Variants in ARHGAP27 observed in about 807,000 individuals in gnomAD.
ARHGAP27 encodes the protein Rho GTPase activating protein 27, also known as rho GTPase-activating protein 27.
ARHGAP27 carries 53 observed loss-of-function variants against 102.0 expected under a neutral mutation model. The ratio of observed to expected loss-of-function variants is 0.52; its 90% confidence interval spans 0.42 to 0.65. ARHGAP27 has a LOEUF of 0.65. ARHGAP27 is among the 30% of genes least tolerant of loss of function. ARHGAP27 has a pLI of 0.00. For synonymous variants in ARHGAP27, 525 were observed against 542.8 expected, an observed-to-expected ratio of 0.97 and a Z score of 0.46; for missense variants, 1,117 against 1,256.2, an observed-to-expected ratio of 0.89 and a Z score of 1.68.
chr17:45,395,378 G>C lies in ARHGAP27; in HGVS notation c.*78C>G. On this transcript the variant is annotated 3_prime_UTR_variant, in exon 20 of 20. Coordinates refer to ENST00000685559, the MANE Select transcript of ARHGAP27 (RefSeq NM_001282290.2). ...CGCTGGCGGAGGGTCCCAGAGAGAA[G>C]AAGGCCCGGCTGCGTGGCCTCCGCC... 8.1e-6 allele frequency: 12 copies of C among 1,474,006 alleles called. No individual in the cohort carries two copies. The highest frequency in any genetic ancestry group is 1.1e-5 in the Non-Finnish European group (12 of 1,101,030). The allele number at this position is 1,474,006 out of a possible 1,614,324, so 91.3% of individuals were successfully genotyped here. A position where few individuals can be genotyped will look rare whatever the true frequency, so the allele number is the denominator to read the frequency against.
At chr17:45,406,172 GTTTA>G (rs1338796295) in intron 4 of ARHGAP27, 89 bp from the exon 5 acceptor site, 46 of 1,347,978 alleles carry the variant, frequency 3.4e-5, no homozygotes, top group Middle Eastern at 1.9e-4. Context: ...GATTATAGGG[GTTTA>G]TTTGTTTTCG....
In ARHGAP27 at chr17:45,430,001, G is replaced by C; in HGVS notation, c.279C>G (p.Tyr93Ter). The C allele has an allele frequency of 1.7e-6, 2 of 1,186,540 alleles. No individual in the cohort carries two copies. Among genetic ancestry groups the C allele is most frequent in the Non-Finnish European group, 2.1e-6 (2 of 960,538 alleles). 73.5% of individuals were successfully genotyped at this position (1,186,540 alleles called of 1,614,324 possible). Residue 93 changes from tyrosine (Y) to a stop codon, truncating the protein, a stop_gained, in exon 4 of 20, where the codon TAC becomes TAG. Coordinates refer to ENST00000685559, the MANE Select transcript of ARHGAP27 (RefSeq NM_001282290.2). LOFTEE classifies it high-confidence loss of function. The surrounding 1 kb of genome is among the most constrained non-coding windows in gnomAD (Gnocchi z 4.4). Reference sequence around the variant, plus strand: ...CCGCCGCGCTCACAAACCGGTAGTCGTAGGCGAGCGGCTCAGGGGCCGCGG... The same window carrying C: ...CCGCCGCGCTCACAAACCGGTAGTCCTAGGCGAGCGGCTCAGGGGCCGCGG... ...PSPAAPEPLA[Y>*]DYRFVSAAAT...
rs2047099534 is a variant in ARHGAP27 at position 45,405,868 on chromosome 17, G to A, written c.873C>T (p.Ser291=). 6.5e-7 allele frequency: 1 copy of A among 1,536,176 alleles called. No individual in the cohort carries two copies. The highest frequency in any genetic ancestry group is 2.4e-5 in the East Asian group (1 of 40,912). ...TCACGTGGCTGTCCACCGAGGCAGG[G>A]GAGGTGGCTGGGCTGGCGGCACCCT... ...AAEGAASPAT[S]PASVDSHVSL... Residue 291 remains serine (S), a synonymous_variant, in exon 5 of 20, where the codon TCC becomes TCT. Coordinates refer to ENST00000685559, the MANE Select transcript of ARHGAP27 (RefSeq NM_001282290.2).
In ARHGAP27 at chr17:45,403,771, C is replaced by T; in HGVS notation, c.1548-62G>A. On this transcript the variant is annotated intron_variant, in intron 10 of 19. Coordinates refer to ENST00000685559, the MANE Select transcript of ARHGAP27 (RefSeq NM_001282290.2). ...AGATTTGGTCCTGGGCTGAGGGCCCCTCCTACCCCAGGAACAAGTCAGAGC... is the reference window on the plus strand; with the variant it reads ...AGATTTGGTCCTGGGCTGAGGGCCCTTCCTACCCCAGGAACAAGTCAGAGC... 5.0e-6 allele frequency: 7 copies of T among 1,405,432 alleles called. No individual in the cohort carries two copies. In the South Asian group the frequency reaches 7.3e-5, roughly 15 times the overall value. The allele number at this position is 1,405,432 out of a possible 1,614,324, so 87.1% of individuals were successfully genotyped here.
chr17:45,425,826 C>A (rs2049542314), intron 4 of ARHGAP27, among the ~76,000 whole-genome samples: 1 of 152,174 alleles, frequency 6.6e-6, no homozygotes, highest in African/African-American at 2.4e-5. Context: ...TCTCAGAGGC[C>A]CCTTTATTGC....
Position 45,404,912 on chromosome 17 carries a change from C to G in ARHGAP27, c.1248+12G>C, listed in dbSNP as rs1052826155. On this transcript the variant is annotated intron_variant, in intron 6 of 19. Transcript: ENST00000685559. ...CTGAGGCTGTCCGGGTCCATCTGCC[C>G]CCTGCCCCTACCTGCTCCTGAGTGA... is the stretch of plus-strand genomic sequence containing the variant. 1.2e-6 allele frequency: 2 copies of G among 1,614,106 alleles called. No homozygotes were observed. The highest frequency in any genetic ancestry group is 1.7e-6 in the Non-Finnish European group (2 of 1,180,000).
At chr17:45,413,833 C>T (rs572656172) in intron 4 of ARHGAP27, among the ~76,000 whole-genome samples, 43 of 151,904 alleles carry the variant, frequency 2.8e-4, no homozygotes, top group African/African-American at 8.9e-4. Flanking sequence ...GGGCTGGGTG[C>T]GGTGGCTCAG....
chr17:45,396,337 G>C (rs1295673397), intron 16 of ARHGAP27, 53 bp from the exon 17 acceptor site: 9 of 1,543,490 alleles, frequency 5.8e-6, no homozygotes, highest in Non-Finnish European at 7.9e-6. Flanking sequence ...ATAGGGTGGG[G>C]CTACGGGTCC....
intron 4 of ARHGAP27, among the ~76,000 whole-genome samples, chr17:45,426,238 C>T (rs2049583978): frequency 6.6e-6 from 1 of 152,132 alleles, no homozygotes; most frequent in East Asian, 1.9e-4. Context: ...CTCTCTGAAC[C>T]TCTGTTTGTA....
At chr17:45,428,984 G>T (rs902758863) in intron 4 of ARHGAP27, among the ~76,000 whole-genome samples, 3 of 152,186 alleles carry the variant, frequency 2.0e-5, no homozygotes, top group African/African-American at 4.8e-5. Flanking sequence ...TTAACCGGAC[G>T]TCTTTCTGAA....
chr17:45,426,286 G>T (rs1391022946), intron 4 of ARHGAP27, among the ~76,000 whole-genome samples: 5 of 152,084 alleles, frequency 3.3e-5, no homozygotes, highest in Non-Finnish European at 5.9e-5. Context: ...TGCCTTCCAA[G>T]CTGCTGGGAG....
Position 45,396,699 on chromosome 17 carries a change from C to T in ARHGAP27, c.2043G>A (p.Leu681=). The change falls in exon 15 of 20, where the codon CTG becomes CTA. Residue 681 remains leucine (L), a synonymous_variant. Coordinates refer to ENST00000685559, the MANE Select transcript of ARHGAP27 (RefSeq NM_001282290.2). ...TGTAGCCCTTCTCCCGCAGCGACTG[C>T]AGTGTGGGCCGCCTCTGGAGGAACT... is the stretch of plus-strand genomic sequence containing the variant. ...LRKFLQRRPT[L]QSLREKGYIK... is the part of the protein sequence containing the mutation. 2 of 1,613,870 alleles carry T rather than the reference C, an allele frequency of 1.2e-6. No homozygotes were observed. Among genetic ancestry groups the T allele is most frequent in the South Asian group, 2.2e-5 (2 of 91,084 alleles).
At chr17:45,429,195 C>T (rs757632115) in intron 4 of ARHGAP27, among the ~76,000 whole-genome samples, 29 of 152,294 alleles carry the variant, frequency 1.9e-4, no homozygotes, top group Non-Finnish European at 3.4e-4. Context: ...ACAGCTGGGA[C>T]TTGGAAAGAT....
intron 12 of ARHGAP27, among the ~76,000 whole-genome samples, chr17:45,398,676 G>A (rs903556155): frequency 4.0e-5 from 6 of 151,740 alleles, no homozygotes; most frequent in Non-Finnish European, 4.4e-5. Context: ...GGAGGTTACC[G>A]TGAGCCGAGA....
rs541430644 is a variant in ARHGAP27, at chr17:45,429,728, C to T, written c.552G>A (p.Ala184=). The change falls in exon 4 of 20, where the codon GCG becomes GCA. Residue 184 remains alanine, a synonymous_variant. Transcript: ENST00000685559. ...SSGSFKACSV[A]GSWVCPRPLA... is the part of the protein sequence containing the mutation. Reference sequence around the variant, plus strand: ...GAGGCCGCGGGCACACCCAGGAGCCCGCCACGCTGCAGGCCTTGAAGCTGC... The same window carrying T: ...GAGGCCGCGGGCACACCCAGGAGCCTGCCACGCTGCAGGCCTTGAAGCTGC... The T allele has an allele frequency of 5.8e-6, 9 of 1,543,424 alleles. No individual in the cohort carries two copies. In the Admixed American group the frequency reaches 1.2e-4, roughly 20 times the overall value.
In ARHGAP27 at chr17:45,395,779, G is replaced by A. The variant is rs2045551281; in HGVS notation, c.2457C>T (p.His819=). The A allele has an allele frequency of 2.5e-6, 4 of 1,604,124 alleles. No individual in the cohort carries two copies. The highest frequency in any genetic ancestry group is 1.7e-5 in the Admixed American group (1 of 59,502). ...DLVRSLPAPN[H]DTLRMLFQHL... ...GCTGGAAGAGCATCCGCAGAGTGTC[G>A]TGGTTGGGAGCGGGCAGCGAGCGCA... is the stretch of plus-strand genomic sequence containing the variant. Residue 819 remains histidine, a synonymous_variant, in exon 19 of 20, where the codon CAC becomes CAT. Transcript: ENST00000685559.
intron 12 of ARHGAP27, among the ~76,000 whole-genome samples, chr17:45,398,276 A>T (rs987387522): frequency 6.6e-6 from 1 of 152,210 alleles, no homozygotes; most frequent in Admixed American, 6.5e-5. Flanking sequence ...GAGGCTCAGC[A>T]AGTTTTAGCT....
chr17:45,422,583 A>G (rs1410400542), intron 4 of ARHGAP27, among the ~76,000 whole-genome samples: 6 of 152,232 alleles, frequency 3.9e-5, no homozygotes, highest in Non-Finnish European at 7.3e-5. Flanking sequence ...AAGCACTAGA[A>G]TAGGATAAAG....
rs2049989050 is a variant in ARHGAP27 at position 45,430,711 on chromosome 17, C to A, written c.-18-414G>T. ...CGTCAGTCAAGTAGGAAGAACACCCCATTTACTGCCGCTCCCCGGCTCTGT... is the reference window on the plus strand; with the variant it reads ...CGTCAGTCAAGTAGGAAGAACACCCAATTTACTGCCGCTCCCCGGCTCTGT... On this transcript the variant is annotated intron_variant, in intron 3 of 19. Coordinates refer to ENST00000685559, the MANE Select transcript of ARHGAP27 (RefSeq NM_001282290.2). The surrounding 1 kb of genome is among the most constrained non-coding windows in gnomAD (Gnocchi z 4.4). Among the ~76,000 whole-genome samples the A allele has an allele frequency of 6.6e-6, 1 of 152,192 alleles. No individual in the cohort carries two copies. Among genetic ancestry groups the A allele is most frequent in the Admixed American group, 6.5e-5 (1 of 15,278 alleles).
Sources: allele counts gnomAD v4.1 joint callset (sites outside exome capture counted in the v4.1 genomes callset), GRCh38; gene constraint gnomAD v4.1.1; non-coding constraint Gnocchi (gnomAD v3.1); transcripts MANE v1.5; gene names NCBI Gene and HGNC (gene_info 2026-07-23, HGNC 2026-07-21).